MAPKBP1: variants seen among roughly 807,000 people sequenced by gnomAD.
The protein encoded by MAPKBP1 is mitogen-activated protein kinase binding protein 1.
MAPKBP1 carries 71 observed loss-of-function variants against 170.5 expected under a neutral mutation model. The observed-to-expected ratio is 0.42, with a 90% CI of 0.34 to 0.51. The LOEUF (loss-of-function observed/expected upper bound fraction) is 0.51. Among genes scored for constraint, MAPKBP1 ranks in the 20% least tolerant of loss-of-function variants. The pLI, the probability that MAPKBP1 is intolerant of heterozygous loss-of-function variation, is 0.06. For missense variants in MAPKBP1, 1,598 were observed against 1,933.0 expected, an observed-to-expected ratio of 0.83 and a Z score of 3.25; for synonymous variants, 719 against 757.9, an observed-to-expected ratio of 0.95 and a Z score of 0.84.
At position 41,826,821 on chromosome 15, in the gene MAPKBP1, TA is replaced by T. The variant is rs2065107970; in HGVS notation, c.*1386del. 6.6e-6 allele frequency: 1 copy of T among 151,626 alleles called. No individual in the cohort carries two copies. Among genetic ancestry groups the T allele is most frequent in the Non-Finnish European group, 1.5e-5 (1 of 67,774 alleles). 9.4% of individuals were successfully genotyped at this position (151,626 alleles called of 1,614,324 possible). On this transcript the variant is annotated 3_prime_UTR_variant, in exon 31 of 31. Coordinates refer to ENST00000457542, the MANE Select transcript of MAPKBP1 (RefSeq NM_014994.3). Reference sequence around the variant, plus strand: ...GTAATTAGGGGTGAGGGAAAGGAGATAGGGGACCCTAGGAGGTAGAGTGGGA... The same window carrying T: ...GTAATTAGGGGTGAGGGAAAGGAGATGGGGACCCTAGGAGGTAGAGTGGGA...
chr15:41,785,289 C>G (rs1029092103), intron 2 of MAPKBP1, among the ~76,000 whole-genome samples: 1 of 152,086 alleles, frequency 6.6e-6, no homozygotes, highest in Admixed American at 6.6e-5. Context: ...TCTTCAGTAC[C>G]TTTTTCTTGC....
intron 3 of MAPKBP1, among the ~76,000 whole-genome samples, chr15:41,802,093 G>A (rs2064605295): frequency 6.6e-6 from 1 of 152,164 alleles, no homozygotes; most frequent in Non-Finnish European, 1.5e-5. Context: ...ACTGAATACT[G>A]TACATAATCC....
rs760900348 is a variant in MAPKBP1 at position 41,816,688 on chromosome 15, G to A, written c.1585+38G>A. On this transcript the variant is annotated intron_variant, in intron 13 of 30. Transcript: ENST00000457542. Reference sequence around the variant, plus strand: ...CCCGGAATGGCACAGGGCTCCTCCAGTCCTGCCGGTGCCACTTATATCTGT... The same window carrying A: ...CCCGGAATGGCACAGGGCTCCTCCAATCCTGCCGGTGCCACTTATATCTGT... 5 of 1,576,406 alleles carry A rather than the reference G, an allele frequency of 3.2e-6. No homozygotes were observed. The African/African-American group carries it at 4.0e-5, about 13-fold the overall frequency.
chr15:41,826,612 C>T lies in MAPKBP1; in HGVS notation c.*1176C>T, dbSNP rs1197647099. 6.6e-6 allele frequency: 1 copy of T among 151,892 alleles called. No homozygotes were observed. Among genetic ancestry groups the T allele is most frequent in the South Asian group, 2.1e-4 (1 of 4,800 alleles). 9.4% of individuals were successfully genotyped at this position (151,892 alleles called of 1,614,324 possible). Reference sequence around the variant, plus strand: ...CCACAGCCTAGCTGATACGAGATAGCCCATAGGACACCTGGTTTAGGTAGA... The same window carrying T: ...CCACAGCCTAGCTGATACGAGATAGTCCATAGGACACCTGGTTTAGGTAGA... On this transcript the variant is annotated 3_prime_UTR_variant, in exon 31 of 31. Coordinates refer to ENST00000457542, the MANE Select transcript of MAPKBP1 (RefSeq NM_014994.3).
intron 2 of MAPKBP1, among the ~76,000 whole-genome samples, chr15:41,783,792 G>A (rs1422559600): frequency 1.3e-5 from 2 of 151,974 alleles, no homozygotes; most frequent in Admixed American, 6.5e-5. Context: ...GGTGGATCAC[G>A]AGATCAGGAG....
chr15:41,820,382 G>T (rs1444341653), intron 22 of MAPKBP1, among the ~76,000 whole-genome samples: 1 of 152,110 alleles, frequency 6.6e-6, no homozygotes, highest in Non-Finnish European at 1.5e-5. Flanking sequence ...GAGTGGTTGG[G>T]GTAGACAGGC....
intron 3 of MAPKBP1, among the ~76,000 whole-genome samples, chr15:41,805,861 T>C (rs2064681161): frequency 6.6e-6 from 1 of 152,112 alleles, no homozygotes; most frequent in African/African-American, 2.4e-5. Flanking sequence ...TGCAGTGTGT[T>C]AGCAGACAGG....
At chr15:41,799,746 T>C (rs1438409675) in intron 2 of MAPKBP1, 77 bp from the exon 3 acceptor site, 2 of 1,143,432 alleles carry the variant, frequency 1.7e-6, no homozygotes, top group African/African-American at 3.0e-5. Context: ...TGCCTCAGGA[T>C]GGTCCCAAGT....
chr15:41,808,311 T>C (rs2064739853), intron 3 of MAPKBP1, among the ~76,000 whole-genome samples: 1 of 150,968 alleles, frequency 6.6e-6, no homozygotes, highest in Admixed American at 6.6e-5. Flanking sequence ...TTCACCATGT[T>C]GGCCAGGATG....
At chr15:41,810,095 C>T (rs1182799759) in intron 3 of MAPKBP1, among the ~76,000 whole-genome samples, 2 of 152,216 alleles carry the variant, frequency 1.3e-5, no homozygotes, top group Non-Finnish European at 1.5e-5. Context: ...CAGGTACACA[C>T]GTGGGTGCAC....
rs1378477978 is a variant in MAPKBP1, at chr15:41,786,787, T to A, written c.114+11398T>A. On this transcript the variant is annotated intron_variant, in intron 2 of 30. Coordinates refer to ENST00000457542, the MANE Select transcript of MAPKBP1 (RefSeq NM_014994.3). Reference sequence around the variant, plus strand: ...CTAAAAAAAAAAAAAAATATATATATATATATATATATATATAGGTATAAT... The same window carrying A: ...CTAAAAAAAAAAAAAAATATATATAAATATATATATATATATAGGTATAAT... 3.5e-3 allele frequency among the ~76,000 whole-genome samples: 361 copies of A among 104,032 alleles called. 24 individuals are homozygous for A. The highest frequency in any genetic ancestry group is 0.031 in the South Asian group (103 of 3,270). 68.2% of individuals were successfully genotyped at this position (104,032 alleles called of 152,430 possible).
At position 41,823,140 on chromosome 15, in the gene MAPKBP1, C is replaced by T. The variant is rs1253491113; in HGVS notation, c.3516C>T (p.Ser1172=). ...GATGCCGTCTCAACCCTGACAGCAG[C>T]TGGGCTCCCAAGAGAGTGGCCACAG... ...LPRCRLNPDS[S]WAPKRVATAS... is the part of the protein sequence containing the mutation. Residue 1172 remains serine (S), a synonymous_variant, in exon 28 of 31, where the codon AGC becomes AGT. Transcript: ENST00000457542. The T allele has an allele frequency of 6.2e-6, 10 of 1,613,734 alleles. No homozygotes were observed. The highest frequency in any genetic ancestry group is 8.5e-6 in the Non-Finnish European group (10 of 1,180,030).
At chr15:41,774,760 G>A in intron 1 of MAPKBP1, 150 bp downstream of exon 1, 8 of 400,172 alleles carry the variant, frequency 2.0e-5, no homozygotes, top group Non-Finnish European at 3.5e-5. Flanking sequence ...AGAACGAGTT[G>A]TGGGCTACGG....
At chr15:41,787,487 C>A (rs961658750) in intron 2 of MAPKBP1, among the ~76,000 whole-genome samples, 3 of 152,110 alleles carry the variant, frequency 2.0e-5, no homozygotes, top group Admixed American at 2.0e-4. Context: ...CCTGCCTCCG[C>A]CTCCCGAGTA....
In MAPKBP1 at chr15:41,793,606, G is replaced by A. The variant is rs554280894; in HGVS notation, c.115-6217G>A. Among the ~76,000 whole-genome samples, 74 of 152,290 alleles carry A rather than the reference G, an allele frequency of 4.9e-4. No individual in the cohort carries two copies. The South Asian group carries it at 0.011, about 22-fold the overall frequency. On this transcript the variant is annotated intron_variant, in intron 2 of 30. Transcript: ENST00000457542. ...TAGTAAATATTGATAGACATAACCC[G>A]CATAAACAGAAGCTCTCTGTTGTCC...
At chr15:41,814,193 G>T (rs966394672) in intron 9 of MAPKBP1, among the ~76,000 whole-genome samples, 1 of 152,250 alleles carries the variant, frequency 6.6e-6, no homozygotes, top group Non-Finnish European at 1.5e-5. Context: ...CAGTCATGTA[G>T]ATGGGAAAGG....
chr15:41,805,974 G>A (rs1289141936), intron 3 of MAPKBP1, among the ~76,000 whole-genome samples: 3 of 152,122 alleles, frequency 2.0e-5, no homozygotes, highest in African/African-American at 7.2e-5. Context: ...CTCTCCCCAG[G>A]GCCCTCATTC....
intron 3 of MAPKBP1, among the ~76,000 whole-genome samples, chr15:41,800,798 C>A (rs2064578558): frequency 6.6e-6 from 1 of 151,762 alleles, no homozygotes; most frequent in Non-Finnish European, 1.5e-5. Context: ...TGTTGCCCAG[C>A]CTGGAGTGCA....
intron 3 of MAPKBP1, among the ~76,000 whole-genome samples, chr15:41,809,054 A>G (rs1253227041): frequency 3.6e-5 from 5 of 137,706 alleles, no homozygotes; most frequent in Non-Finnish European, 6.2e-5. Context: ...AGCCTGGGTG[A>G]CAGAGCGAGA....
Sources: allele counts gnomAD v4.1 joint callset (sites outside exome capture counted in the v4.1 genomes callset), GRCh38; gene constraint gnomAD v4.1.1; transcripts MANE v1.5; gene names NCBI Gene and HGNC (gene_info 2026-07-23, HGNC 2026-07-21).